Variants in ZCCHC24 observed in about 807,000 individuals in gnomAD.
The protein encoded by ZCCHC24 is zinc finger CCHC-type containing 24.
Under a neutral mutation model 26.2 loss-of-function variants are expected in ZCCHC24, and 10 were observed. The observed-to-expected ratio is 0.38, with a 90% confidence interval of 0.24 to 0.65. The LOEUF (loss-of-function observed/expected upper bound fraction) is 0.65. Among genes scored for constraint, ZCCHC24 ranks in the 30% least tolerant of loss-of-function variants. ZCCHC24 has a pLI of 0.54. For synonymous variants in ZCCHC24, 144 were observed against 147.1 expected, an observed-to-expected ratio of 0.98 and a Z score of 0.15; for missense variants, 243 against 329.1, an observed-to-expected ratio of 0.74 and a Z score of 2.03.
rs561884774 is a variant in ZCCHC24 at position 79,423,581 on chromosome 10, CTATATA to C, written c.447+8971_447+8976del. Among the ~76,000 whole-genome samples the C allele has an allele frequency of 3.7e-4, 20 of 53,766 alleles. 2 individuals are homozygous for C. Among genetic ancestry groups the C allele is most frequent in the African/African-American group, 1.5e-3 (19 of 13,024 alleles). The allele number at this position is 53,766 out of a possible 152,430, so 35.3% of individuals were successfully genotyped here. A position where few individuals can be genotyped will look rare whatever the true frequency, so the allele number is the denominator to read the frequency against. ...AACAAAAACAAACAAAATATATATA[CTATATA>C]TATATATATATATATATATATATTT... On this transcript the variant is annotated intron_variant, in intron 2 of 3. Transcript: ENST00000372336.
Position 79,386,110 on chromosome 10 carries a change from C to A in ZCCHC24, c.*235G>T. The A allele has an allele frequency of 1.7e-6, 1 of 594,952 alleles. No homozygotes were observed. 36.9% of individuals were successfully genotyped at this position (594,952 alleles called of 1,614,324 possible). A position where few individuals can be genotyped will look rare whatever the true frequency, so the allele number is the denominator to read the frequency against. On this transcript the variant is annotated 3_prime_UTR_variant, in exon 4 of 4. Transcript: ENST00000372336. ...GTCCCCTCCACTGAGACCCCAGGCC[C>A]GCCTGCAAAAAGCCCCAGACTCCCT...
In ZCCHC24 at chr10:79,420,566, G is replaced by T. The variant is rs184877872; in HGVS notation, c.447+11992C>A. Among the ~76,000 whole-genome samples the T allele has an allele frequency of 2.4e-3, 358 of 152,310 alleles. 2 individuals are homozygous for T. Among genetic ancestry groups the T allele is most frequent in the African/African-American group, 8.3e-3 (345 of 41,558 alleles). On this transcript the variant is annotated intron_variant, in intron 2 of 3. Transcript: ENST00000372336. ...GGCCGAGGCGGGCAGATCACTTGAG[G>T]CCAGGAGTTTGAGACCAGCCTGGCC...
At position 79,432,571 on chromosome 10, in the gene ZCCHC24, T is replaced by C; in HGVS notation, c.434A>G (p.Lys145Arg). 6.3e-7 allele frequency: 1 copy of C among 1,599,624 alleles called. No homozygotes were observed. The highest frequency in any genetic ancestry group is 2.3e-5 in the East Asian group (1 of 44,028). The change falls in exon 2 of 4, where the codon AAG becomes AGG. Residue 145 changes from lysine to arginine, a missense_variant. Lys to Arg is a conservative substitution (Grantham distance 26). This residue lies in a region of ZCCHC24 where 96 missense variants were observed against 178.3 expected (regional missense o/e 0.54). Transcript: ENST00000372336. ...HLCFNKGHYIKDCPQARPKGE... is the reference protein window; with the variant it reads ...HLCFNKGHYIRDCPQARPKGE... ...GGGCTGCCTTACCTGGGGGCAGTCC[T>C]TGATGTAGTGTCCTTTGTTGAAGCA...
At position 79,384,007 on chromosome 10, in the gene ZCCHC24, G is replaced by T. The variant is rs1856357986; in HGVS notation, c.*2338C>A. The T allele has an allele frequency of 6.6e-6, 1 of 152,668 alleles. No individual in the cohort carries two copies. Among genetic ancestry groups the T allele is most frequent in the African/African-American group, 2.4e-5 (1 of 41,428 alleles). 9.5% of individuals were successfully genotyped at this position (152,668 alleles called of 1,614,324 possible). A position where few individuals can be genotyped will look rare whatever the true frequency, so the allele number is the denominator to read the frequency against. On this transcript the variant is annotated 3_prime_UTR_variant, in exon 4 of 4. Transcript: ENST00000372336. ...GCCCTCTGAGCACTTAATTCTCAAT[G>T]GCACCTGGCCTGCATGGCAGGGGCT...
chr10:79,423,999 C>T (rs1203758634), intron 2 of ZCCHC24, among the ~76,000 whole-genome samples: 1 of 136,626 alleles, frequency 7.3e-6, no homozygotes, highest in Non-Finnish European at 1.5e-5. Context: ...GCCTGGGCAA[C>T]AGAGCGAGAC....
intron 1 of ZCCHC24, among the ~76,000 whole-genome samples, chr10:79,437,259 C>T (rs1857227965): frequency 6.6e-6 from 1 of 152,062 alleles, no homozygotes; most frequent in Admixed American, 6.5e-5. Flanking sequence ...CACCATGTTG[C>T]CCAGGCAGGT....
rs528945359 is a variant in ZCCHC24, at chr10:79,418,075, C to T, written c.447+14483G>A. On this transcript the variant is annotated intron_variant, in intron 2 of 3. Transcript: ENST00000372336. ...AATGCTGCCCTCACAAATATGCCTC[C>T]AAGACCCCATGGCAGTTGAGGCAGG... 1.6e-4 allele frequency among the ~76,000 whole-genome samples: 24 copies of T among 152,330 alleles called. No homozygotes were observed. In the South Asian group the frequency reaches 5.0e-3, roughly 32 times the overall value.
At chr10:79,422,143 C>T (rs1241146574) in intron 2 of ZCCHC24, among the ~76,000 whole-genome samples, 1 of 152,016 alleles carries the variant, frequency 6.6e-6, no homozygotes, top group Admixed American at 6.6e-5. Context: ...AGCTGGCCCA[C>T]CATACCCCTC....
intron 2 of ZCCHC24, among the ~76,000 whole-genome samples, chr10:79,415,381 G>C (rs752648722): frequency 5.3e-5 from 8 of 152,164 alleles, no homozygotes; most frequent in Non-Finnish European, 1.0e-4. Context: ...CTGGGAATCC[G>C]TTCCAGCTCT....
intron 1 of ZCCHC24, among the ~76,000 whole-genome samples, chr10:79,438,254 C>CT (rs1045686009): frequency 6.6e-6 from 1 of 152,180 alleles, no homozygotes; most frequent in Non-Finnish European, 1.5e-5. Flanking sequence ...CCACACTCCT[C>CT]TGTTTGGGAC....
intron 2 of ZCCHC24, among the ~76,000 whole-genome samples, chr10:79,417,941 C>T (rs1184629878): frequency 6.6e-6 from 1 of 152,194 alleles, no homozygotes; most frequent in East Asian, 1.9e-4. Flanking sequence ...GATCTGGCCA[C>T]CTTGCCCCAG....
rs1164150525 is a variant in ZCCHC24 at position 79,382,806 on chromosome 10, T to G, written c.*3539A>C. Reference sequence around the variant, plus strand: ...TTGACATTTCCAAGTTCAAGGAGCATGGCCTGGAGGAGGCGTGGCTCAGAT... The same window carrying G: ...TTGACATTTCCAAGTTCAAGGAGCAGGGCCTGGAGGAGGCGTGGCTCAGAT... On this transcript the variant is annotated 3_prime_UTR_variant, in exon 4 of 4. Transcript: ENST00000372336. The G allele has an allele frequency of 6.5e-6, 1 of 152,796 alleles. No homozygotes were observed. Among genetic ancestry groups the G allele is most frequent in the Non-Finnish European group, 1.5e-5 (1 of 68,048 alleles). 9.5% of individuals were successfully genotyped at this position (152,796 alleles called of 1,614,324 possible). A position where few individuals can be genotyped will look rare whatever the true frequency, so the allele number is the denominator to read the frequency against.
At chr10:79,435,554 C>T (rs2395570) in intron 1 of ZCCHC24, among the ~76,000 whole-genome samples, 11,056 of 152,312 alleles carry the variant, frequency 0.073, 497 homozygotes, top group South Asian at 0.16. Flanking sequence ...GCCTTCCCAC[C>T]TCTAGTGCCC....
chr10:79,394,183 T>A, intron 3 of ZCCHC24, 93 bp downstream of exon 3: 1 of 1,474,592 alleles, frequency 6.8e-7, no homozygotes, highest in Non-Finnish European at 9.1e-7. Flanking sequence ...CTTAGAGAGA[T>A]CTCCCTTGTA....
At chr10:79,392,555 T>G (rs572075889) in intron 3 of ZCCHC24, among the ~76,000 whole-genome samples, 5 of 152,222 alleles carry the variant, frequency 3.3e-5, no homozygotes, top group Non-Finnish European at 7.3e-5. Flanking sequence ...TTCTAGATCA[T>G]TCTCACCAGA....
chr10:79,432,495 A>G, intron 2 of ZCCHC24, 63 bp downstream of exon 2: 1 of 1,541,360 alleles, frequency 6.5e-7, no homozygotes, highest in Admixed American at 2.2e-5. Context: ...CCCTACCCAC[A>G]GGAGCCTGTC....
intron 1 of ZCCHC24, among the ~76,000 whole-genome samples, chr10:79,438,146 T>C (rs1229093968): frequency 1.3e-5 from 2 of 152,148 alleles, no homozygotes; most frequent in Non-Finnish European, 2.9e-5. Flanking sequence ...TTCGAGTCCC[T>C]AGCTCTGTAG....
At chr10:79,392,680 C>T (rs1234168174) in intron 3 of ZCCHC24, among the ~76,000 whole-genome samples, 2 of 151,974 alleles carry the variant, frequency 1.3e-5, no homozygotes, top group Non-Finnish European at 2.9e-5. Flanking sequence ...AGAGAGTGGA[C>T]AATGAGGCAA....
At chr10:79,418,170 T>C (rs1856890543) in intron 2 of ZCCHC24, among the ~76,000 whole-genome samples, 1 of 152,214 alleles carries the variant, frequency 6.6e-6, no homozygotes, top group South Asian at 2.1e-4. Context: ...TCAGCAAATG[T>C]GGCTGCTCGC....
Sources: gnomAD v4.1 joint callset for allele counts (sites outside exome capture counted in the v4.1 genomes callset) on GRCh38, gnomAD v4.1.1 for gene constraint, gnomAD v4.1.1 regional missense constraint, MANE v1.5 for transcripts, NCBI Gene and HGNC (gene_info 2026-07-23, HGNC 2026-07-21) for gene names.